The following SV2B variants were observed in gnomAD, a reference collection of about 807,000 sequenced individuals.
SV2B encodes the protein solute carrier family 22 member B2.
A neutral mutation model predicts 73.9 loss-of-function variants in SV2B; 41 were observed. That is an observed-to-expected ratio of 0.56 (90% CI 0.43 to 0.72). SV2B has a LOEUF of 0.72. Among genes scored for constraint, SV2B ranks in the 30% least tolerant of loss-of-function variants. The pLI, the probability that SV2B is intolerant of heterozygous loss-of-function variation, is 0.00. For synonymous variants in SV2B, 314 were observed against 314.2 expected (o/e 1.00, Z 0.01); for missense variants, 764 against 857.8 (o/e 0.89, Z 1.37).
chr15:91,287,874 A>C (rs1461372464), intron 11 of SV2B, among the ~76,000 whole-genome samples: 1 of 152,158 alleles, frequency 6.6e-6, no homozygotes, highest in Non-Finnish European at 1.5e-5. Flanking sequence ...CTGTGAGGAC[A>C]AGGGGGGATA....
Position 91,273,755 on chromosome 15 carries a change from C to T in SV2B, c.1373+5150C>T, listed in dbSNP as rs182679533. ...TTTATAAAATCATAAACTATGTTTA[C>T]TCCAGATGTCAAAATTGATGAAGCA... On this transcript the variant is annotated intron_variant, in intron 9 of 12. Coordinates refer to ENST00000394232, the MANE Select transcript of SV2B (RefSeq NM_001323032.3). Among the ~76,000 whole-genome samples, 504 of 152,270 alleles carry T rather than the reference C, an allele frequency of 3.3e-3. 3 individuals carry two copies. Among genetic ancestry groups the T allele is most frequent in the Non-Finnish European group, 4.4e-3 (297 of 68,010 alleles).
At chr15:91,186,318 A>G (rs189913643) in intron 1 of SV2B, among the ~76,000 whole-genome samples, 6 of 146,866 alleles carry the variant, frequency 4.1e-5, no homozygotes, top group Admixed American at 2.7e-4. Flanking sequence ...ATATTTTGCT[A>G]TACGTGAGAT....
At position 91,297,747 on chromosome 15, in the gene SV2B, C is replaced by G. The variant is rs1286245804; in HGVS notation, c.*5195C>G. Reference sequence around the variant, plus strand: ...AAATGATCACCATTTTCCTAGAGCTCCGAGACAACTAGTGGTAGTGCAACA... The same window carrying G: ...AAATGATCACCATTTTCCTAGAGCTGCGAGACAACTAGTGGTAGTGCAACA... On this transcript the variant is annotated 3_prime_UTR_variant, in exon 13 of 13. Transcript: ENST00000394232. This position sits in a 1 kb window ranked among gnomAD's most constrained non-coding sequence, Gnocchi z 5.1. The G allele has an allele frequency of 1.3e-5, 2 of 152,174 alleles. No individual in the cohort carries two copies. The highest frequency in any genetic ancestry group is 2.9e-5 in the Non-Finnish European group (2 of 68,034). 9.4% of individuals were successfully genotyped at this position (152,174 alleles called of 1,614,324 possible). A position where few individuals can be genotyped will look rare whatever the true frequency, so the allele number is the denominator to read the frequency against.
chr15:91,104,686 G>A (rs1210409008), intron 1 of SV2B, among the ~76,000 whole-genome samples: 1 of 152,186 alleles, frequency 6.6e-6, no homozygotes, highest in African/African-American at 2.4e-5. Context: ...CAGGCTGAGT[G>A]CAGTGGTGCG....
In SV2B at chr15:91,241,969, G is replaced by A. The variant is rs2047033878; in HGVS notation, c.452-9850G>A. ...TTCAGTAGAATGAATGAGTGAGGAC[G>A]TTTCATCTTTAAGCAGGAGTTAATC... On this transcript the variant is annotated intron_variant, in intron 2 of 12. Coordinates refer to ENST00000394232, the MANE Select transcript of SV2B (RefSeq NM_001323032.3). The surrounding 1 kb of genome is among the most constrained non-coding windows in gnomAD (Gnocchi z 4.8). Among the ~76,000 whole-genome samples the A allele has an allele frequency of 6.6e-6, 1 of 152,018 alleles. No homozygotes were observed. The highest frequency in any genetic ancestry group is 2.4e-5 in the African/African-American group (1 of 41,284).
chr15:91,200,492 C>T (rs2045420769), intron 1 of SV2B, among the ~76,000 whole-genome samples: 1 of 152,132 alleles, frequency 6.6e-6, no homozygotes, highest in African/African-American at 2.4e-5. Flanking sequence ...TGTAAAGAGT[C>T]TCAGTATGTC....
chr15:91,147,208 G>A (rs541490422), intron 1 of SV2B, among the ~76,000 whole-genome samples: 272 of 152,366 alleles, frequency 1.8e-3, no homozygotes, highest in Admixed American at 4.7e-3. Context: ...GTATCAGCCA[G>A]AATTTCTCAA....
At chr15:91,192,790 T>A (rs1474693129) in intron 1 of SV2B, among the ~76,000 whole-genome samples, 6 of 152,198 alleles carry the variant, frequency 3.9e-5, no homozygotes, top group Admixed American at 1.3e-4. Context: ...TGACTTTCAG[T>A]AACTTCTTTT....
At chr15:91,274,758 A>G (rs1312853473) in intron 9 of SV2B, among the ~76,000 whole-genome samples, 2 of 152,170 alleles carry the variant, frequency 1.3e-5, no homozygotes, top group African/African-American at 2.4e-5. Flanking sequence ...TGACCGGATG[A>G]TGCAGTCTGT....
At chr15:91,111,542 A>C (rs1014604210) in intron 1 of SV2B, among the ~76,000 whole-genome samples, 2 of 152,194 alleles carry the variant, frequency 1.3e-5, no homozygotes, top group Non-Finnish European at 2.9e-5. Flanking sequence ...GCTATTGGAC[A>C]GGAGAGGGGA....
rs7174498 is a variant in SV2B at position 91,281,052 on chromosome 15, A to G, written c.1374-676A>G. 3.2e-3 allele frequency among the ~76,000 whole-genome samples: 483 copies of G among 152,368 alleles called. 2 individuals carry two copies. The highest frequency in any genetic ancestry group is 0.011 in the African/African-American group (443 of 41,592). On this transcript the variant is annotated intron_variant, in intron 9 of 12. Coordinates refer to ENST00000394232, the MANE Select transcript of SV2B (RefSeq NM_001323032.3). The surrounding 1 kb of genome is among the most constrained non-coding windows in gnomAD (Gnocchi z 4.7). ...CATGGTATTCCATTATATGGCATCTATTACATATGTATGTATGTAGTAATC... is the reference window on the plus strand; with the variant it reads ...CATGGTATTCCATTATATGGCATCTGTTACATATGTATGTATGTAGTAATC...
At chr15:91,164,027 A>T (rs1046970515) in intron 1 of SV2B, among the ~76,000 whole-genome samples, 10 of 151,930 alleles carry the variant, frequency 6.6e-5, no homozygotes, top group East Asian at 1.9e-4. Context: ...GGGAATCCTT[A>T]CCCCATTTCT....
intron 2 of SV2B, among the ~76,000 whole-genome samples, chr15:91,235,172 C>G (rs990751527): frequency 6.6e-6 from 1 of 152,182 alleles, no homozygotes; most frequent in African/African-American, 2.4e-5. Context: ...AATTCCTAAA[C>G]TAGTCTTTAG....
chr15:91,153,699 A>G (rs958114853), intron 1 of SV2B, among the ~76,000 whole-genome samples: 28 of 152,102 alleles, frequency 1.8e-4, no homozygotes, highest in African/African-American at 6.8e-4. Context: ...AAGGATGTCC[A>G]TCCAAATGGA....
intron 2 of SV2B, among the ~76,000 whole-genome samples, chr15:91,235,832 C>T (rs528795052): frequency 6.6e-6 from 1 of 152,192 alleles, no homozygotes; most frequent in Admixed American, 6.5e-5. Flanking sequence ...ATATGTGGAG[C>T]TTGTGTAGAT....
intron 9 of SV2B, among the ~76,000 whole-genome samples, chr15:91,269,490 C>A (rs1412076607): frequency 3.3e-5 from 5 of 152,200 alleles, no homozygotes; most frequent in African/African-American, 7.2e-5. Flanking sequence ...TTAACTGCCC[C>A]ATATTTACCA....
At chr15:91,228,951 T>C (rs940694371) in intron 2 of SV2B, among the ~76,000 whole-genome samples, 1 of 152,238 alleles carries the variant, frequency 6.6e-6, no homozygotes, top group Non-Finnish European at 1.5e-5. Context: ...AGTGTGAACA[T>C]GCAGAAACAG....
At position 91,220,770 on chromosome 15, in the gene SV2B, A is replaced by G. The variant is rs2046186810; in HGVS notation, c.-391-5103A>G. ...TGATGGGCCCCAAATCTCATGGGGC[A>G]TGAGGCTAGGCTCAAGCTTAGAACT... On this transcript the variant is annotated intron_variant, in intron 1 of 12. Transcript: ENST00000394232. The surrounding 1 kb of genome is among the most constrained non-coding windows in gnomAD (Gnocchi z 4.1). 6.6e-6 allele frequency among the ~76,000 whole-genome samples: 1 copy of G among 152,256 alleles called. No individual in the cohort carries two copies.
chr15:91,119,702 C>G (rs534331845), intron 1 of SV2B, among the ~76,000 whole-genome samples: 18 of 152,352 alleles, frequency 1.2e-4, no homozygotes, highest in African/African-American at 4.3e-4. Context: ...TCTAGTTAAC[C>G]TGACAGCTAG....
Sources: gnomAD v4.1 joint callset for allele counts (sites outside exome capture counted in the v4.1 genomes callset) on GRCh38, gnomAD v4.1.1 for gene constraint, Gnocchi (gnomAD v3.1) non-coding constraint, MANE v1.5 for transcripts, NCBI Gene and HGNC (gene_info 2026-07-23, HGNC 2026-07-21) for gene names.